The following USP25 variants were observed in gnomAD, a reference collection of about 807,000 sequenced individuals.
USP25 encodes ubiquitin specific peptidase 25, also known as ubiquitin carboxyl-terminal hydrolase 25.
In USP25, 85 loss-of-function variants were observed where a neutral mutation model predicts 158.5. The observed-to-expected ratio is 0.54, with a 90% CI of 0.45 to 0.64. USP25 has a LOEUF of 0.64. Ranked by LOEUF, USP25 falls within the 30% of genes least tolerant of loss-of-function variation. The pLI is 0.00. For synonymous variants in USP25, 464 were observed against 460.4 expected (o/e 1.01, Z -0.10); for missense variants, 1,242 against 1,327.3 (o/e 0.94, Z 1.00).
chr21:15,850,472 A>G (rs1271303613), intron 20 of USP25, among the ~76,000 whole-genome samples: 1 of 151,182 alleles, frequency 6.6e-6, no homozygotes, highest in Admixed American at 6.6e-5. Context: ...TTTGATTACA[A>G]TTTTTTCCTT....
chr21:15,814,784 A>G (rs1174403919), intron 9 of USP25, among the ~76,000 whole-genome samples: 1 of 152,192 alleles, frequency 6.6e-6, no homozygotes, highest in African/African-American at 2.4e-5. Flanking sequence ...AACAGAGCAT[A>G]AAAGTTCAGA....
intron 1 of USP25, among the ~76,000 whole-genome samples, chr21:15,738,464 A>G (rs2031728688): frequency 2.6e-5 from 4 of 152,188 alleles, no homozygotes; most frequent in Admixed American, 6.5e-5. Context: ...ATGGTTTATA[A>G]TTTAACACAA....
chr21:15,789,759 C>A (rs1030273749), intron 4 of USP25, among the ~76,000 whole-genome samples: 28 of 151,938 alleles, frequency 1.8e-4, no homozygotes, highest in South Asian at 1.2e-3. Flanking sequence ...AATAAGTTTG[C>A]TGTATCTCAA....
intron 10 of USP25, among the ~76,000 whole-genome samples, chr21:15,823,614 T>G (rs2037346928): frequency 6.6e-6 from 1 of 152,130 alleles, no homozygotes; most frequent in Admixed American, 6.6e-5. Context: ...ATATAAATTT[T>G]TTTTTGAGTA....
intron 6 of USP25, among the ~76,000 whole-genome samples, chr21:15,801,796 A>G (rs1232977343): frequency 6.6e-6 from 1 of 151,634 alleles, no homozygotes; most frequent in Admixed American, 6.6e-5. Flanking sequence ...ACTTTTAAAC[A>G]GGATATTTTT....
intron 1 of USP25, among the ~76,000 whole-genome samples, chr21:15,732,004 G>A (rs897044938): frequency 2.0e-5 from 3 of 152,138 alleles, no homozygotes; most frequent in African/African-American, 7.2e-5. Flanking sequence ...GTAAGTTTAG[G>A]ATTTTTTTAT....
chr21:15,798,625 C>T (rs2035978564), intron 5 of USP25, among the ~76,000 whole-genome samples: 1 of 151,204 alleles, frequency 6.6e-6, no homozygotes, highest in African/African-American at 2.4e-5. Flanking sequence ...ATAGTAGATG[C>T]TCCATAAATA....
At chr21:15,803,277 A>G (rs1296710496) in intron 6 of USP25, among the ~76,000 whole-genome samples, 1 of 151,970 alleles carries the variant, frequency 6.6e-6, no homozygotes, top group Non-Finnish European at 1.5e-5. Flanking sequence ...CCCTGAAATG[A>G]AAAGTAGGAA....
intron 6 of USP25, among the ~76,000 whole-genome samples, chr21:15,803,892 ATAC>A (rs1303625044): frequency 6.6e-6 from 1 of 151,876 alleles, no homozygotes; most frequent in Non-Finnish European, 1.5e-5. Context: ...TATGTGGGTT[ATAC>A]TATTTTGGGC....
intron 5 of USP25, among the ~76,000 whole-genome samples, chr21:15,799,083 A>G (rs1415439346): frequency 6.6e-6 from 1 of 151,430 alleles, no homozygotes; most frequent in Admixed American, 6.6e-5. Flanking sequence ...AGTATGATAC[A>G]TTGTGATATT....
At chr21:15,846,028 T>C (rs375592216) in intron 18 of USP25, among the ~76,000 whole-genome samples, 28 of 150,548 alleles carry the variant, frequency 1.9e-4, no homozygotes, top group East Asian at 1.8e-3. Flanking sequence ...ATGATCATGA[T>C]ACCTGTTCAT....
intron 24 of USP25, 151 bp downstream of exon 24, chr21:15,874,677 A>G (rs1002254217): frequency 9.8e-6 from 6 of 610,950 alleles, no homozygotes; most frequent in Non-Finnish European, 1.6e-5. Flanking sequence ...TCAGATGGAA[A>G]AGTACACTCA....
chr21:15,755,942 A>T (rs917282431), intron 1 of USP25, among the ~76,000 whole-genome samples: 1 of 152,204 alleles, frequency 6.6e-6, no homozygotes, highest in East Asian at 1.9e-4. Flanking sequence ...TGAAGAGCAG[A>T]CAATGACCTG....
intron 16 of USP25, among the ~76,000 whole-genome samples, chr21:15,832,076 T>C (rs1318189822): frequency 1.3e-5 from 2 of 152,230 alleles, no homozygotes; most frequent in Non-Finnish European, 2.9e-5. Context: ...TCGTATATGT[T>C]TTATTTTTTG....
rs2036980913 is a variant in USP25 at position 15,817,131 on chromosome 21, C to T, written c.932-1567C>T. Among the ~76,000 whole-genome samples, 4 of 139,958 alleles carry T rather than the reference C, an allele frequency of 2.9e-5. No homozygotes were observed. The Admixed American group carries it at 2.9e-4, about 10-fold the overall frequency. 91.8% of individuals were successfully genotyped at this position (139,958 alleles called of 152,430 possible). A position where few individuals can be genotyped will look rare whatever the true frequency, so the allele number is the denominator to read the frequency against. On this transcript the variant is annotated intron_variant, in intron 9 of 25. Coordinates refer to ENST00000400183, the MANE Select transcript of USP25 (RefSeq NM_001283041.3). ...TGGGTGACAGAGCGAGACTCTGTCTCAATAAAAAATAAAATGTCATCATCA... is the reference window on the plus strand; with the variant it reads ...TGGGTGACAGAGCGAGACTCTGTCTTAATAAAAAATAAAATGTCATCATCA...
At chr21:15,847,331 A>G (rs1246300658) in intron 18 of USP25, among the ~76,000 whole-genome samples, 1 of 152,186 alleles carries the variant, frequency 6.6e-6, no homozygotes, top group East Asian at 1.9e-4. Flanking sequence ...AAATACTTTC[A>G]GGGAAAAATG....
intron 1 of USP25, among the ~76,000 whole-genome samples, chr21:15,746,626 G>A (rs1248153377): frequency 6.6e-6 from 1 of 151,856 alleles, no homozygotes; most frequent in Non-Finnish European, 1.5e-5. Context: ...TTGATCTCTG[G>A]ACAGCATGAT....
At chr21:15,755,515 G>A (rs2033316429) in intron 1 of USP25, among the ~76,000 whole-genome samples, 1 of 152,126 alleles carries the variant, frequency 6.6e-6, no homozygotes, top group Non-Finnish European at 1.5e-5. Flanking sequence ...AATATGGCAA[G>A]GACATGGAAT....
At chr21:15,818,566 A>G in intron 9 of USP25, 132 bp from the exon 10 acceptor site, 1 of 742,168 alleles carries the variant, frequency 1.3e-6, no homozygotes, top group South Asian at 2.2e-5. Flanking sequence ...AGGAAAATTA[A>G]CACTAACACT....
Sources: allele counts gnomAD v4.1 joint callset (sites outside exome capture counted in the v4.1 genomes callset), GRCh38; gene constraint gnomAD v4.1.1; transcripts MANE v1.5; gene names NCBI Gene and HGNC (gene_info 2026-07-23, HGNC 2026-07-21).